POLR3B: variants seen among roughly 807,000 people sequenced by gnomAD.
POLR3B encodes RNA polymerase III subunit B.
POLR3B carries 96 observed loss-of-function variants against 147.4 expected under a neutral mutation model. The observed-to-expected ratio is 0.65, with a 90% CI of 0.55 to 0.77. The LOEUF (loss-of-function observed/expected upper bound fraction) is 0.77, where lower values mean the gene tolerates loss of function less well. Among genes scored for constraint, POLR3B ranks in the 30% least tolerant of loss-of-function variants. The probability of loss-of-function intolerance (pLI) is 0.00; values close to 1 mark genes in which losing one functional copy is unlikely to be tolerated. For missense variants in POLR3B, 1,036 were observed against 1,413.5 expected (o/e 0.73, Z 4.28); for synonymous variants, 461 against 485.9 (o/e 0.95, Z 0.67).
At chr12:106,425,257 G>C (rs2037420720) in intron 12 of POLR3B, among the ~76,000 whole-genome samples, 1 of 152,126 alleles carries the variant, frequency 6.6e-6, no homozygotes. Flanking sequence ...CTGTGTATCA[G>C]TGCAGGATCT....
intron 9 of POLR3B, among the ~76,000 whole-genome samples, chr12:106,386,021 T>C (rs913155975): frequency 5.9e-5 from 9 of 152,186 alleles, no homozygotes; most frequent in Non-Finnish European, 1.0e-4. Context: ...CAATGCAGTG[T>C]TTTATGTACA....
intron 6 of POLR3B, among the ~76,000 whole-genome samples, chr12:106,373,956 G>GT (rs1163863672): frequency 2.0e-5 from 3 of 151,272 alleles, no homozygotes; most frequent in Admixed American, 6.6e-5. Context: ...CATGTTTCAG[G>GT]TTTTTTTCCA....
At position 106,504,370 on chromosome 12, in the gene POLR3B, A is replaced by G; in HGVS notation, c.3272+116A>G. On this transcript the variant is annotated intron_variant, in intron 27 of 27. Transcript: ENST00000228347. The surrounding 1 kb of genome is among the most constrained non-coding windows in gnomAD (Gnocchi z 4.6). ...CCAGCCTCTGTCTGTGATCACTAACATACCCTCCCTCATGCATGTATTCCT... is the reference window on the plus strand; with the variant it reads ...CCAGCCTCTGTCTGTGATCACTAACGTACCCTCCCTCATGCATGTATTCCT... 2.4e-6 allele frequency: 2 copies of G among 836,730 alleles called. No individual in the cohort carries two copies. Among genetic ancestry groups the G allele is most frequent in the East Asian group, 2.4e-5 (1 of 40,840 alleles). The allele number at this position is 836,730 out of a possible 1,614,324, so 51.8% of individuals were successfully genotyped here. A position where few individuals can be genotyped will look rare whatever the true frequency, so the allele number is the denominator to read the frequency against.
intron 12 of POLR3B, among the ~76,000 whole-genome samples, chr12:106,424,066 G>A (rs1358239000): frequency 2.0e-5 from 3 of 151,964 alleles, no homozygotes; most frequent in Admixed American, 6.5e-5. Context: ...CATGTTGCGA[G>A]GCTGGTCTCA....
chr12:106,502,923 A>G (rs1369364198), intron 26 of POLR3B, among the ~76,000 whole-genome samples: 1 of 152,156 alleles, frequency 6.6e-6, no homozygotes, highest in Non-Finnish European at 1.5e-5. Flanking sequence ...TGTGTAGAAA[A>G]AGTTATTACT....
intron 23 of POLR3B, among the ~76,000 whole-genome samples, chr12:106,482,257 A>T (rs10778482): frequency 0.49 from 74,927 of 152,064 alleles, 18,960 homozygotes; most frequent in East Asian, 0.74. Context: ...TAGTTTTTTT[A>T]AAAAATAATT....
chr12:106,429,050 C>A lies in POLR3B; in HGVS notation c.1264-1223C>A, dbSNP rs114491989. 4.5e-3 allele frequency among the ~76,000 whole-genome samples: 681 copies of A among 152,280 alleles called. 4 individuals carry two copies. The highest frequency in any genetic ancestry group is 0.016 in the African/African-American group (656 of 41,556). Reference sequence around the variant, plus strand: ...TGTTCTTGTTTCTATGTGCATTTTTCTCAAGAGAACATTCCTGGCTTTTAT... The same window carrying A: ...TGTTCTTGTTTCTATGTGCATTTTTATCAAGAGAACATTCCTGGCTTTTAT... On this transcript the variant is annotated intron_variant, in intron 13 of 27. Transcript: ENST00000228347.
rs182513912 is a variant in POLR3B, at chr12:106,413,817, G to A, written c.1101+2857G>A. 4.5e-3 allele frequency among the ~76,000 whole-genome samples: 679 copies of A among 151,710 alleles called. 4 individuals carry two copies. The highest frequency in any genetic ancestry group is 0.016 in the African/African-American group (652 of 41,370). ...TTTGTTCCTTTACTGCATTCTGTGC[G>A]ATTGTTTTTCTAATTTAGCTCTTAG... is the stretch of plus-strand genomic sequence containing the variant. On this transcript the variant is annotated intron_variant, in intron 12 of 27. Transcript: ENST00000228347.
rs557939890 is a variant in POLR3B at position 106,417,447 on chromosome 12, G to C, written c.1101+6487G>C. ...ACATGCAGCAGAAGACCATTGAAGA[G>C]TTTTAGTCAGGGGAGTGACATGATC... On this transcript the variant is annotated intron_variant, in intron 12 of 27. Coordinates refer to ENST00000228347, the MANE Select transcript of POLR3B (RefSeq NM_018082.6). Among the ~76,000 whole-genome samples, 5 of 152,258 alleles carry C rather than the reference G, an allele frequency of 3.3e-5. No individual in the cohort carries two copies. The South Asian group carries it at 1.0e-3, about 32-fold the overall frequency.
chr12:106,368,821 G>C (rs906643122), intron 4 of POLR3B, among the ~76,000 whole-genome samples: 2 of 152,086 alleles, frequency 1.3e-5, no homozygotes, highest in Non-Finnish European at 2.9e-5. Context: ...CCTGTTCCCA[G>C]CCACTCTCCA....
Position 106,504,255 on chromosome 12 carries a change from G to C in POLR3B, c.3272+1G>C. 6.2e-7 allele frequency: 1 copy of C among 1,611,988 alleles called. No homozygotes were observed. Among genetic ancestry groups the C allele is most frequent in the East Asian group, 2.2e-5 (1 of 44,868 alleles). ...GTGGACTTCTGGGGTATTCTGGCTG[G>C]TAAGTGGATACCATATGTCTCCCAT... On this transcript the variant is annotated splice_donor_variant, in intron 27 of 27. Coordinates refer to ENST00000228347, the MANE Select transcript of POLR3B (RefSeq NM_018082.6). LOFTEE classifies it high-confidence loss of function. This position sits in a 1 kb window ranked among gnomAD's most constrained non-coding sequence, Gnocchi z 4.6.
At chr12:106,369,112 A>G (rs1232781317) in intron 4 of POLR3B, among the ~76,000 whole-genome samples, 163 bp from the exon 5 acceptor site, 1 of 152,200 alleles carries the variant, frequency 6.6e-6, no homozygotes. Flanking sequence ...AGCTATATGT[A>G]CTATCACTTC....
intron 6 of POLR3B, among the ~76,000 whole-genome samples, chr12:106,370,653 A>T (rs558715245): frequency 7.4e-6 from 1 of 134,296 alleles, no homozygotes; most frequent in Admixed American, 7.9e-5. Context: ...TTTTTTTGAG[A>T]CAGAGTCTTA....
At chr12:106,454,480 G>GT (rs1246816428) in intron 19 of POLR3B, 22 bp from the exon 20 acceptor site, 1 of 1,149,640 alleles carries the variant, frequency 8.7e-7, no homozygotes. Flanking sequence ...GTTGTATTTT[G>GT]TTTTCTCCCA....
In POLR3B at chr12:106,505,757, G is replaced by T. The variant is rs149401056; in HGVS notation, c.3272+1503G>T. On this transcript the variant is annotated intron_variant, in intron 27 of 27. Transcript: ENST00000228347. ...TTAGGCCCAAATAGCATTCATTGCT[G>T]GGGTTTGAGGAATTTGTGGGCCACC... Among the ~76,000 whole-genome samples, 448 of 152,264 alleles carry T rather than the reference G, an allele frequency of 2.9e-3. 8 individuals are homozygous for T. The highest frequency in any genetic ancestry group is 0.021 in the Admixed American group (318 of 15,304).
At chr12:106,358,203 T>G in intron 1 of POLR3B, 1 of 1,417,286 alleles carries the variant, frequency 7.1e-7, no homozygotes, top group Non-Finnish European at 9.2e-7. Flanking sequence ...GGCTCTAGGG[T>G]TGGAGCTCTT....
At chr12:106,412,125 A>G (rs2037235469) in intron 12 of POLR3B, among the ~76,000 whole-genome samples, 2 of 151,874 alleles carry the variant, frequency 1.3e-5, no homozygotes, top group South Asian at 4.1e-4. Context: ...CTTATGTCTG[A>G]TAATTTTGGA....
chr12:106,452,243 A>C (rs754757284), intron 19 of POLR3B, among the ~76,000 whole-genome samples: 3 of 152,240 alleles, frequency 2.0e-5, no homozygotes, highest in Non-Finnish European at 4.4e-5. Context: ...TTACACACCC[A>C]TAGTCAGTGC....
chr12:106,500,857 A>G (rs2038588745), intron 25 of POLR3B, among the ~76,000 whole-genome samples: 1 of 152,222 alleles, frequency 6.6e-6, no homozygotes, highest in Non-Finnish European at 1.5e-5. Flanking sequence ...TGTTGGCAAT[A>G]CAGATTCCAA....
Sources: gnomAD v4.1 joint callset for allele counts (sites outside exome capture counted in the v4.1 genomes callset) on GRCh38, gnomAD v4.1.1 for gene constraint, Gnocchi (gnomAD v3.1) non-coding constraint, MANE v1.5 for transcripts, NCBI Gene and HGNC (gene_info 2026-07-23, HGNC 2026-07-21) for gene names.